BCL2: variants seen among roughly 807,000 people sequenced by gnomAD.
BCL2 encodes the protein BCL2 apoptosis regulator, also known as apoptosis regulator Bcl-2.
Under a neutral mutation model 14.2 loss-of-function variants are expected in BCL2, and 1 was observed. That is an observed-to-expected ratio of 0.07 (90% CI 0.02 to 0.33). The LOEUF (loss-of-function observed/expected upper bound fraction) is 0.33. Ranked by LOEUF, BCL2 falls within the 10% of genes least tolerant of loss-of-function variation. BCL2 has a pLI of 0.99. For synonymous variants in BCL2, 151 were observed against 137.2 expected (o/e 1.10, Z -0.70); for missense variants, 247 against 305.9 (o/e 0.81, Z 1.44).
chr18:63,212,098 C>T (rs1165450278), intron 2 of BCL2, among the ~76,000 whole-genome samples: 2 of 152,068 alleles, frequency 1.3e-5, no homozygotes, highest in Admixed American at 6.6e-5. Flanking sequence ...GAGGCTGAGG[C>T]AGGTGGATCA....
At chr18:63,144,558 G>A (rs1171517501) in intron 2 of BCL2, among the ~76,000 whole-genome samples, 1 of 152,046 alleles carries the variant, frequency 6.6e-6, no homozygotes, top group Non-Finnish European at 1.5e-5. Context: ...CAATAAATAT[G>A]AGAGGCTAAA....
intron 2 of BCL2, among the ~76,000 whole-genome samples, chr18:63,140,165 G>A (rs1914317573): frequency 6.6e-6 from 1 of 152,198 alleles, no homozygotes; most frequent in Admixed American, 6.5e-5. Context: ...TGGCAAGGAT[G>A]TTGAGAAATT....
chr18:63,281,364 T>G (rs1340528119), intron 2 of BCL2, among the ~76,000 whole-genome samples: 1 of 152,092 alleles, frequency 6.6e-6, no homozygotes, highest in Non-Finnish European at 1.5e-5. Flanking sequence ...AAAAAAATTA[T>G]TAAAAAATAC....
chr18:63,202,613 C>T (rs779353025), intron 2 of BCL2, among the ~76,000 whole-genome samples: 2 of 152,138 alleles, frequency 1.3e-5, no homozygotes, highest in Admixed American at 6.5e-5. Context: ...ATCTGTACCT[C>T]GTTCTGTTTA....
intron 2 of BCL2, among the ~76,000 whole-genome samples, chr18:63,206,495 C>T (rs1035497348): frequency 9.2e-5 from 14 of 152,228 alleles, no homozygotes; most frequent in African/African-American, 3.4e-4. Context: ...GTTTCACTGT[C>T]TTCTGCGAGG....
At chr18:63,236,832 C>T (rs1910848587) in intron 2 of BCL2, among the ~76,000 whole-genome samples, 1 of 152,178 alleles carries the variant, frequency 6.6e-6, no homozygotes, top group Non-Finnish European at 1.5e-5. Context: ...GCTCTGAGAT[C>T]TTGTCCGGGA....
chr18:63,152,403 A>T (rs1315750235), intron 2 of BCL2, among the ~76,000 whole-genome samples: 1 of 152,214 alleles, frequency 6.6e-6, no homozygotes, highest in Non-Finnish European at 1.5e-5. Flanking sequence ...TTTTAAAAAC[A>T]TATCTCTTTT....
chr18:63,168,161 C>T (rs908841918), intron 2 of BCL2, among the ~76,000 whole-genome samples: 2 of 152,178 alleles, frequency 1.3e-5, no homozygotes, highest in African/African-American at 2.4e-5. Flanking sequence ...GTCAAGAGTG[C>T]CCATGCCTCC....
At chr18:63,275,695 T>C (rs567924935) in intron 2 of BCL2, among the ~76,000 whole-genome samples, 7 of 152,240 alleles carry the variant, frequency 4.6e-5, no homozygotes, top group Middle Eastern at 3.2e-3. Context: ...CTCTACTGTC[T>C]GGAAGGCCAG....
At position 63,229,169 on chromosome 18, in the gene BCL2, TTTTA is replaced by T. The variant is rs549107762; in HGVS notation, c.585+88909_585+88912del. Among the ~76,000 whole-genome samples the T allele has an allele frequency of 1.5e-3, 234 of 152,232 alleles. 1 individual carries two copies. The highest frequency in any genetic ancestry group is 3.4e-3 in the Middle Eastern group (1 of 294). The stretch of plus-strand genomic sequence containing the variant: ...AACAATTCAAAATTATAGTGGGAGA[TTTTA>T]TTTATTTATTTATTTATATTTTATT... On this transcript the variant is annotated intron_variant, in intron 2 of 2. Transcript: ENST00000333681.
intron 2 of BCL2, among the ~76,000 whole-genome samples, chr18:63,217,048 C>T (rs73963718): frequency 0.11 from 17,473 of 152,090 alleles, 1,649 homozygotes; most frequent in African/African-American, 0.26. Context: ...CGAGATGAGA[C>T]GCCATGCCAA....
At chr18:63,129,165 C>T (rs1236865606) in intron 2 of BCL2, among the ~76,000 whole-genome samples, 2 of 152,186 alleles carry the variant, frequency 1.3e-5, no homozygotes, top group Admixed American at 6.5e-5. Context: ...TTTTAGCTAG[C>T]ATGCCCATCC....
At chr18:63,287,036 G>A (rs186594135) in intron 2 of BCL2, among the ~76,000 whole-genome samples, 267 of 152,270 alleles carry the variant, frequency 1.8e-3, no homozygotes, top group African/African-American at 5.5e-3. Context: ...CCTCTCCAGC[G>A]TTTTGCTTCT....
At chr18:63,161,136 C>T (rs1914910659) in intron 2 of BCL2, among the ~76,000 whole-genome samples, 1 of 152,174 alleles carries the variant, frequency 6.6e-6, no homozygotes, top group African/African-American at 2.4e-5. Flanking sequence ...TGACAGCTTT[C>T]AACCCTTGAA....
At chr18:63,276,093 G>A (rs558210599) in intron 2 of BCL2, among the ~76,000 whole-genome samples, 2 of 152,308 alleles carry the variant, frequency 1.3e-5, no homozygotes, top group South Asian at 4.1e-4. Flanking sequence ...CTGATGGATG[G>A]TCTAGGTGGC....
chr18:63,224,816 C>T (rs1000219870), intron 2 of BCL2, among the ~76,000 whole-genome samples: 2 of 152,182 alleles, frequency 1.3e-5, no homozygotes, highest in Non-Finnish European at 2.9e-5. Context: ...AAGAGCAAGG[C>T]ATATGAAGGC....
intron 2 of BCL2, among the ~76,000 whole-genome samples, chr18:63,172,027 A>G (rs945368827): frequency 2.0e-5 from 3 of 152,248 alleles, no homozygotes; most frequent in Non-Finnish European, 4.4e-5. Flanking sequence ...TAGATAGAAT[A>G]TCAAATACAT....
intron 2 of BCL2, among the ~76,000 whole-genome samples, chr18:63,300,739 G>A (rs566813884): frequency 8.5e-5 from 13 of 152,164 alleles, no homozygotes; most frequent in South Asian, 2.1e-4. Context: ...CCTGTGCTAC[G>A]ATCCAGCGAG....
intron 2 of BCL2, among the ~76,000 whole-genome samples, chr18:63,257,716 T>A (rs145590979): frequency 0.011 from 1,668 of 152,302 alleles, 38 homozygotes; most frequent in African/African-American, 0.038. Flanking sequence ...TTTCATTTTT[T>A]AAATGAGTAA....
Sources: allele counts gnomAD v4.1 joint callset (sites outside exome capture counted in the v4.1 genomes callset), GRCh38; gene constraint gnomAD v4.1.1; transcripts MANE v1.5; gene names NCBI Gene and HGNC (gene_info 2026-07-23, HGNC 2026-07-21).